Variants in FGF12 observed in about 807,000 individuals in gnomAD.
The protein encoded by FGF12 is fibroblast growth factor 12.
In FGF12, 14 loss-of-function variants were observed where a neutral mutation model predicts 23.6. The ratio of observed to expected loss-of-function variants is 0.59; its 90% CI spans 0.39 to 0.93. The LOEUF (loss-of-function observed/expected upper bound fraction) is 0.93. FGF12 is among the 40% of genes least tolerant of loss of function. The pLI is 0.00. For synonymous variants in FGF12, 62 were observed against 77.3 expected (o/e 0.80, Z 1.04); for missense variants, 175 against 217.8 (o/e 0.80, Z 1.24).
At chr3:192,695,770 T>C (rs1341640715) in intron 2 of FGF12, among the ~76,000 whole-genome samples, 1 of 152,148 alleles carries the variant, frequency 6.6e-6, no homozygotes, top group Non-Finnish European at 1.5e-5. Flanking sequence ...GTCAATTAGT[T>C]GGCGAGGATG....
intron 4 of FGF12, among the ~76,000 whole-genome samples, chr3:192,253,363 C>T (rs1275090995): frequency 2.0e-5 from 3 of 151,622 alleles, no homozygotes; most frequent in Admixed American, 1.3e-4. Flanking sequence ...AATCATGACT[C>T]CTGGCAAGAG....
At chr3:192,719,691 A>T (rs1227847028) in intron 2 of FGF12, among the ~76,000 whole-genome samples, 1 of 151,886 alleles carries the variant, frequency 6.6e-6, no homozygotes, top group African/African-American at 2.4e-5. Flanking sequence ...CCAGATTTAA[A>T]CAATTAGAAT....
chr3:192,599,046 G>A (rs1713985375), intron 2 of FGF12, among the ~76,000 whole-genome samples: 1 of 152,038 alleles, frequency 6.6e-6, no homozygotes, highest in Non-Finnish European at 1.5e-5. Context: ...CTCACTCTAA[G>A]TGGGAGTTGA....
chr3:192,307,689 T>G (rs1353832361), intron 4 of FGF12, among the ~76,000 whole-genome samples: 5 of 152,296 alleles, frequency 3.3e-5, no homozygotes, highest in African/African-American at 9.6e-5. Context: ...ATAGGCAAGC[T>G]TGGACCCCAG....
At chr3:192,245,082 T>C (rs1029868259) in intron 4 of FGF12, 1 of 152,120 alleles carries the variant, frequency 6.6e-6, no homozygotes, top group Non-Finnish European at 1.5e-5. Context: ...CTGTGTTTTT[T>C]TGTTAGTTTG....
intron 2 of FGF12, among the ~76,000 whole-genome samples, chr3:192,451,887 T>G (rs368401742): frequency 2.6e-5 from 4 of 152,218 alleles, no homozygotes; most frequent in African/African-American, 9.6e-5. Context: ...CATTCTTACA[T>G]GTGTCTCCTG....
At chr3:192,250,047 A>G (rs1483984322) in intron 4 of FGF12, among the ~76,000 whole-genome samples, 1 of 152,192 alleles carries the variant, frequency 6.6e-6, no homozygotes, top group African/African-American at 2.4e-5. Context: ...CAACCTTATT[A>G]TCGATTCATT....
intron 4 of FGF12, among the ~76,000 whole-genome samples, chr3:192,261,390 T>C (rs1370304247): frequency 6.6e-6 from 1 of 152,170 alleles, no homozygotes; most frequent in East Asian, 1.9e-4. Flanking sequence ...TAAGAGACTC[T>C]AAGAGGAGCT....
intron 2 of FGF12, among the ~76,000 whole-genome samples, chr3:192,724,488 C>A (rs115091465): frequency 6.6e-6 from 1 of 152,130 alleles, no homozygotes; most frequent in African/African-American, 2.4e-5. Flanking sequence ...TGAACCACTC[C>A]TCTAAATACT....
At chr3:192,407,997 G>A in intron 2 of FGF12, 1 of 1,584,184 alleles carries the variant, frequency 6.3e-7, no homozygotes, top group Non-Finnish European at 8.6e-7. Flanking sequence ...TCCCCTCTGG[G>A]GAGCCCACTC....
chr3:192,193,529 T>C (rs1716910056), intron 4 of FGF12, among the ~76,000 whole-genome samples: 2 of 152,228 alleles, frequency 1.3e-5, no homozygotes, highest in African/African-American at 4.8e-5. Context: ...AACATTATAA[T>C]CATCAAATTT....
In FGF12 at chr3:192,592,130, A is replaced by G. The variant is rs138081166; in HGVS notation, c.13+135051T>C. On this transcript the variant is annotated intron_variant, in intron 2 of 5. Coordinates refer to ENST00000445105, the MANE Select transcript of FGF12 (RefSeq NM_004113.6). ...TTACCTAGTTCAAAATTCTAGAATT[A>G]TAATTGCTCCCCATTCAACTCGGGC... Among the ~76,000 whole-genome samples the G allele has an allele frequency of 3.5e-4, 53 of 151,976 alleles. 1 individual carries two copies. In the East Asian group the frequency reaches 8.3e-3, roughly 24 times the overall value.
At chr3:192,323,147 A>G (rs1334260574) in intron 4 of FGF12, among the ~76,000 whole-genome samples, 1 of 152,178 alleles carries the variant, frequency 6.6e-6, no homozygotes, top group African/African-American at 2.4e-5. Context: ...ACACCTATGG[A>G]AAACAGTATG....
At chr3:192,667,061 T>C (rs1336439517) in intron 2 of FGF12, among the ~76,000 whole-genome samples, 3 of 152,194 alleles carry the variant, frequency 2.0e-5, no homozygotes, top group Admixed American at 6.5e-5. Context: ...CACAAAGTCA[T>C]ATAATATCAT....
At chr3:192,475,869 T>C (rs1234735442) in intron 2 of FGF12, among the ~76,000 whole-genome samples, 1 of 152,172 alleles carries the variant, frequency 6.6e-6, no homozygotes, top group African/African-American at 2.4e-5. Flanking sequence ...AAAATCATTA[T>C]AGATCAGATA....
intron 2 of FGF12, among the ~76,000 whole-genome samples, chr3:192,511,866 C>T (rs1724487156): frequency 1.3e-5 from 2 of 152,016 alleles, no homozygotes; most frequent in African/African-American, 4.8e-5. Context: ...ATAAACTAGA[C>T]AAGACATTCA....
chr3:192,197,946 CAAAAAAAAAAA>C (rs11328919), intron 4 of FGF12, among the ~76,000 whole-genome samples: 10 of 49,134 alleles, frequency 2.0e-4, no homozygotes, highest in Non-Finnish European at 7.1e-5. Flanking sequence ...AATTCCTCCT[CAAAAAAAAAAA>C]AAAAAAAAAA....
intron 4 of FGF12, among the ~76,000 whole-genome samples, chr3:192,333,740 T>C (rs1175110694): frequency 1.3e-5 from 2 of 152,126 alleles, no homozygotes; most frequent in African/African-American, 4.8e-5. Context: ...TCACTCTCTG[T>C]AGCTTAAGTG....
At chr3:192,548,345 C>T (rs1725547918) in intron 2 of FGF12, among the ~76,000 whole-genome samples, 1 of 151,994 alleles carries the variant, frequency 6.6e-6, no homozygotes, top group Middle Eastern at 3.2e-3. Flanking sequence ...ATTTCAAATT[C>T]AATATTAGAA....
Sources: allele counts gnomAD v4.1 joint callset (sites outside exome capture counted in the v4.1 genomes callset), GRCh38; gene constraint gnomAD v4.1.1; transcripts MANE v1.5; gene names NCBI Gene and HGNC (gene_info 2026-07-23, HGNC 2026-07-21).